ASAP1: variants seen among roughly 807,000 people sequenced by gnomAD.
The protein encoded by ASAP1 is arf-GAP with SH3 domain, ANK repeat and PH domain-containing protein 1.
In ASAP1, 43 loss-of-function variants were observed where a neutral mutation model predicts 145.2. That is an observed-to-expected ratio of 0.30 (90% CI 0.23 to 0.38). The LOEUF is 0.38. Among genes scored for constraint, ASAP1 ranks in the 10% least tolerant of loss-of-function variants. ASAP1 has a pLI of 1.00. For missense variants in ASAP1, 1,018 were observed against 1,355.3 expected (o/e 0.75, Z 3.91); for synonymous variants, 546 against 515.5 (o/e 1.06, Z -0.80).
chr8:130,355,972 C>G (rs1050467349), intron 3 of ASAP1, among the ~76,000 whole-genome samples: 6 of 152,106 alleles, frequency 3.9e-5, no homozygotes, highest in Non-Finnish European at 7.3e-5. Context: ...CATCAATGTA[C>G]TCTAACATGA....
intron 4 of ASAP1, among the ~76,000 whole-genome samples, chr8:130,220,618 C>T (rs1454585923): frequency 6.6e-6 from 1 of 152,156 alleles, no homozygotes; most frequent in African/African-American, 2.4e-5. Flanking sequence ...GGGCAGATGG[C>T]TTGAGCCTAG....
chr8:130,143,606 T>C (rs1050089336), intron 13 of ASAP1, among the ~76,000 whole-genome samples: 3 of 152,186 alleles, frequency 2.0e-5, no homozygotes, highest in Admixed American at 6.5e-5. Flanking sequence ...GTACATTTCA[T>C]GAAGAGAAGT....
intron 5 of ASAP1, among the ~76,000 whole-genome samples, chr8:130,201,359 T>C (rs1203980517): frequency 2.0e-5 from 3 of 152,212 alleles, no homozygotes; most frequent in African/African-American, 7.2e-5. Context: ...CACTCGGGAC[T>C]GACAAGACTG....
intron 4 of ASAP1, among the ~76,000 whole-genome samples, chr8:130,223,008 G>A (rs892561057): frequency 6.6e-6 from 1 of 152,136 alleles, no homozygotes; most frequent in African/African-American, 2.4e-5. Context: ...GCTCCTAGGG[G>A]CCTTAATTTC....
intron 18 of ASAP1, among the ~76,000 whole-genome samples, chr8:130,123,286 C>T (rs970476228): frequency 1.7e-4 from 26 of 152,186 alleles, no homozygotes; most frequent in African/African-American, 6.3e-4. Flanking sequence ...TGTACTCCCA[C>T]TGGCAATATT....
intron 27 of ASAP1, among the ~76,000 whole-genome samples, chr8:130,075,582 A>G (rs2097460488): frequency 6.6e-6 from 1 of 152,228 alleles, no homozygotes; most frequent in South Asian, 2.1e-4. Context: ...GCAGGCTTAT[A>G]GAAGGATGGA....
rs992053567 is a variant in ASAP1, at chr8:130,236,827, A to G, written c.259+95T>C. On this transcript the variant is annotated intron_variant, in intron 4 of 29. Coordinates refer to ENST00000518721, the MANE Select transcript of ASAP1 (RefSeq NM_018482.4). ...ACCTACTTACTTTTCCATTTGTGTCAAGTTTCCTATAAACTTAACATCTTT... is the reference window on the plus strand; with the variant it reads ...ACCTACTTACTTTTCCATTTGTGTCGAGTTTCCTATAAACTTAACATCTTT... The G allele has an allele frequency of 1.5e-5, 14 of 929,128 alleles. 1 individual carries two copies. In the African/African-American group the frequency reaches 2.4e-4, roughly 16 times the overall value. The allele number at this position is 929,128 out of a possible 1,614,324, so 57.6% of individuals were successfully genotyped here.
intron 3 of ASAP1, among the ~76,000 whole-genome samples, chr8:130,328,971 T>C (rs1253053229): frequency 6.6e-6 from 1 of 152,126 alleles, no homozygotes; most frequent in Non-Finnish European, 1.5e-5. Flanking sequence ...GCAGGAAATA[T>C]AGGGTAACAC....
chr8:130,214,171 G>A (rs955997520), intron 5 of ASAP1, among the ~76,000 whole-genome samples: 3 of 152,048 alleles, frequency 2.0e-5, no homozygotes, highest in South Asian at 2.1e-4. Flanking sequence ...ATGTATGTTC[G>A]ACACAGAAAT....
chr8:130,303,859 G>A (rs142326136), intron 3 of ASAP1, among the ~76,000 whole-genome samples: 324 of 152,138 alleles, frequency 2.1e-3, no homozygotes, highest in Non-Finnish European at 3.9e-3. Context: ...ACATATCATC[G>A]CACATTTGTC....
chr8:130,073,430 G>A (rs1195298387), intron 27 of ASAP1, among the ~76,000 whole-genome samples: 2 of 151,764 alleles, frequency 1.3e-5, no homozygotes, highest in Admixed American at 1.3e-4. Context: ...GAGCTTTCCA[G>A]ATGGGTGTAA....
chr8:130,341,461 T>C (rs1438561155), intron 3 of ASAP1, among the ~76,000 whole-genome samples: 1 of 152,186 alleles, frequency 6.6e-6, no homozygotes, highest in Non-Finnish European at 1.5e-5. Context: ...CTCGGTTCTT[T>C]CCCTTCGGCA....
At chr8:130,165,618 T>C (rs1273519424) in intron 11 of ASAP1, among the ~76,000 whole-genome samples, 1 of 152,212 alleles carries the variant, frequency 6.6e-6, no homozygotes, top group Non-Finnish European at 1.5e-5. Context: ...AGTCACTGCC[T>C]GAGACTGAAT....
At chr8:130,194,538 G>C (rs1815351374) in intron 5 of ASAP1, among the ~76,000 whole-genome samples, 1 of 152,142 alleles carries the variant, frequency 6.6e-6, no homozygotes, top group South Asian at 2.1e-4. Context: ...AGTTCTTTCA[G>C]GAATCCTTTA....
intron 1 of ASAP1, among the ~76,000 whole-genome samples, chr8:130,417,970 C>T (rs1266850478): frequency 6.6e-6 from 1 of 152,180 alleles, no homozygotes. Context: ...ACTCACTGGA[C>T]TAGCCAGGTA....
At chr8:130,108,631 C>A (rs765488763) in intron 24 of ASAP1, among the ~76,000 whole-genome samples, 1 of 151,842 alleles carries the variant, frequency 6.6e-6, no homozygotes, top group Admixed American at 6.6e-5. Context: ...AAACCCTGTC[C>A]CTACTAAAAA....
intron 2 of ASAP1, among the ~76,000 whole-genome samples, chr8:130,396,228 A>G (rs1465039700): frequency 2.0e-5 from 3 of 152,224 alleles, no homozygotes; most frequent in African/African-American, 7.2e-5. Context: ...ATGCTCAGGA[A>G]ACATTTGTAG....
chr8:130,426,280 G>C (rs1829914253), intron 1 of ASAP1, among the ~76,000 whole-genome samples: 1 of 152,030 alleles, frequency 6.6e-6, no homozygotes, highest in Non-Finnish European at 1.5e-5. Context: ...TAAGTTTCCT[G>C]AGGCCTCCCC....
chr8:130,180,082 GA>G (rs1484839264), intron 8 of ASAP1, among the ~76,000 whole-genome samples: 2 of 147,158 alleles, frequency 1.4e-5, no homozygotes, highest in African/African-American at 2.5e-5. Context: ...GGGGAAGGGG[GA>G]AAGAGAAAGA....
Sources: gnomAD v4.1 joint callset for allele counts (sites outside exome capture counted in the v4.1 genomes callset) on GRCh38, gnomAD v4.1.1 for gene constraint, MANE v1.5 for transcripts, NCBI Gene and HGNC (gene_info 2026-07-23, HGNC 2026-07-21) for gene names.